HTRA3: variants seen among roughly 807,000 people sequenced by gnomAD.
HTRA3 encodes the protein serine protease HTRA3.
HTRA3 carries 41 observed loss-of-function variants against 43.2 expected under a neutral mutation model. The observed-to-expected ratio is 0.95, with a 90% confidence interval of 0.74 to 1.23. The LOEUF (loss-of-function observed/expected upper bound fraction) is 1.23. Among genes scored for constraint, HTRA3 ranks in the 50% most tolerant of loss-of-function variants. The pLI, the probability that HTRA3 is intolerant of heterozygous loss-of-function variation, is 0.00. For missense variants in HTRA3, 628 were observed against 647.1 expected (o/e 0.97, Z 0.32); for synonymous variants, 295 against 287.9 (o/e 1.02, Z -0.25).
In HTRA3 at chr4:8,286,675, G is replaced by A. The variant is rs766486485; in HGVS notation, c.600G>A (p.Pro200=). 1.6e-5 allele frequency: 26 copies of A among 1,613,684 alleles called. No homozygotes were observed. The highest frequency in any genetic ancestry group is 1.1e-4 in the East Asian group (5 of 44,892). ...TGGTGTCCAGCAACAGTGCTGCCCCGGGCAGGCAGCAGCTCAAGGTGCAGC... is the reference window on the plus strand; with the variant it reads ...TGGTGTCCAGCAACAGTGCTGCCCCAGGCAGGCAGCAGCTCAAGGTGCAGC... ...AHVVSSNSAA[P]GRQQLKVQLQ... Residue 200 remains proline, a synonymous_variant, in exon 3 of 9, where the codon CCG becomes CCA. Transcript: ENST00000307358. This position sits in a 1 kb window ranked among gnomAD's most constrained non-coding sequence, Gnocchi z 4.9.
chr4:8,283,226 G>A (rs1310501877), intron 2 of HTRA3, among the ~76,000 whole-genome samples: 3 of 152,202 alleles, frequency 2.0e-5, no homozygotes, highest in Non-Finnish European at 2.9e-5. Flanking sequence ...ATGAATGAAT[G>A]AGTGGAGTCG....
chr4:8,306,817 T>G lies in HTRA3; in HGVS notation c.*681T>G, dbSNP rs1180419733. 2 of 152,678 alleles carry G rather than the reference T, an allele frequency of 1.3e-5. No individual in the cohort carries two copies. Among genetic ancestry groups the G allele is most frequent in the Non-Finnish European group, 1.5e-5 (1 of 68,116 alleles). 9.5% of individuals were successfully genotyped at this position (152,678 alleles called of 1,614,324 possible). A position where few individuals can be genotyped will look rare whatever the true frequency, so the allele number is the denominator to read the frequency against. ...GTTGGCTGCTGCCTGGGGAAGCTTC[T>G]CCTCCCCAAGGCGGCCATGGGGCAG... On this transcript the variant is annotated 3_prime_UTR_variant, in exon 9 of 9. Coordinates refer to ENST00000307358, the MANE Select transcript of HTRA3 (RefSeq NM_053044.5). This position sits in a 1 kb window ranked among gnomAD's most constrained non-coding sequence, Gnocchi z 8.9.
intron 1 of HTRA3, among the ~76,000 whole-genome samples, chr4:8,278,392 A>G (rs1189263005): frequency 1.4e-4 from 10 of 71,040 alleles, no homozygotes; most frequent in African/African-American, 2.8e-4. Flanking sequence ...TTATTGAGGA[A>G]AAAAAAAAAA....
intron 7 of HTRA3, 117 bp from the exon 8 acceptor site, chr4:8,304,067 G>A: frequency 1.4e-6 from 1 of 717,318 alleles, no homozygotes; most frequent in Non-Finnish European, 2.4e-6. Context: ...AGGGCAGTAT[G>A]GGGGCCCAGA....
intron 2 of HTRA3, among the ~76,000 whole-genome samples, chr4:8,285,593 C>T (rs1246435548): frequency 3.9e-5 from 6 of 152,354 alleles, no homozygotes; most frequent in African/African-American, 1.4e-4. Flanking sequence ...GGGCCCCACG[C>T]TGGGGTCCCG....
At chr4:8,273,406 G>T (rs967046116) in intron 1 of HTRA3, among the ~76,000 whole-genome samples, 1 of 152,106 alleles carries the variant, frequency 6.6e-6, no homozygotes, top group Admixed American at 6.5e-5. Flanking sequence ...GCCTGATGAG[G>T]GCAGCCTCCT....
At position 8,270,049 on chromosome 4, in the gene HTRA3, G is replaced by T. The variant is rs543551297; in HGVS notation, c.81G>T (p.Ala27=). ...AREPPAAPCP[A]RCDVSRCPSP... ...AGCCCCCTGCGGCGCCGTGTCCCGC[G>T]CGCTGCGACGTGTCGCGGTGTCCCA... Residue 27 remains alanine (A), a synonymous_variant, in exon 1 of 9, where the codon GCG becomes GCT. Coordinates refer to ENST00000307358, the MANE Select transcript of HTRA3 (RefSeq NM_053044.5). The T allele has an allele frequency of 2.8e-6, 4 of 1,450,960 alleles. No individual in the cohort carries two copies. The highest frequency in any genetic ancestry group is 3.0e-5 in the East Asian group (1 of 33,530). The allele number at this position is 1,450,960 out of a possible 1,614,324, so 89.9% of individuals were successfully genotyped here.
Position 8,286,265 on chromosome 4 carries a change from G to A in HTRA3, c.486-296G>A, listed in dbSNP as rs1712963700. Among the ~76,000 whole-genome samples the A allele has an allele frequency of 6.6e-6, 1 of 152,180 alleles. No homozygotes were observed. The highest frequency in any genetic ancestry group is 2.1e-4 in the South Asian group (1 of 4,832). On this transcript the variant is annotated intron_variant, in intron 2 of 8. Transcript: ENST00000307358. This position sits in a 1 kb window ranked among gnomAD's most constrained non-coding sequence, Gnocchi z 4.9. ...GTCTGGCTCCGTGCTCCGTAGTCAGGATGGCGAGTGCAAGCTGGGAGTCAT... is the reference window on the plus strand; with the variant it reads ...GTCTGGCTCCGTGCTCCGTAGTCAGAATGGCGAGTGCAAGCTGGGAGTCAT...
chr4:8,292,848 A>G (rs1001029681), intron 5 of HTRA3, among the ~76,000 whole-genome samples: 4 of 152,158 alleles, frequency 2.6e-5, no homozygotes, highest in Non-Finnish European at 5.9e-5. Context: ...GCTCCTATCC[A>G]TGGCTGGGGA....
intron 7 of HTRA3, 58 bp downstream of exon 7, chr4:8,302,569 C>T (rs1713694242): frequency 3.2e-6 from 5 of 1,548,806 alleles, no homozygotes; most frequent in South Asian, 2.2e-5. Flanking sequence ...CTCACCCTGA[C>T]CCTCCCTCCA....
At chr4:8,293,713 G>A (rs1348278773) in intron 5 of HTRA3, among the ~76,000 whole-genome samples, 2 of 152,112 alleles carry the variant, frequency 1.3e-5, no homozygotes, top group African/African-American at 4.8e-5. Flanking sequence ...GGGATAGACA[G>A]GGTCTCTGTC....
chr4:8,284,501 C>T lies in HTRA3; in HGVS notation c.485+1965C>T, dbSNP rs142567799. Among the ~76,000 whole-genome samples the T allele has an allele frequency of 1.6e-4, 25 of 152,326 alleles. No individual in the cohort carries two copies. The East Asian group carries it at 2.9e-3, about 18-fold the overall frequency. ...AGATGCTTTTCCAGCACAGGCCTCCCGGCTGTGACCCCTGACCTGAGGTCT... is the reference window on the plus strand; with the variant it reads ...AGATGCTTTTCCAGCACAGGCCTCCTGGCTGTGACCCCTGACCTGAGGTCT... On this transcript the variant is annotated intron_variant, in intron 2 of 8. Transcript: ENST00000307358.
At chr4:8,298,300 T>C (rs912457995) in intron 6 of HTRA3, among the ~76,000 whole-genome samples, 3 of 152,254 alleles carry the variant, frequency 2.0e-5, no homozygotes, top group Non-Finnish European at 4.4e-5. Context: ...ATTCATCAGC[T>C]GTTCATCTTT....
intron 3 of HTRA3, among the ~76,000 whole-genome samples, chr4:8,287,981 T>C (rs1713063892): frequency 6.6e-6 from 1 of 152,210 alleles, no homozygotes; most frequent in African/African-American, 2.4e-5. Flanking sequence ...CACACCAGCG[T>C]TGGACCCGGA....
chr4:8,304,363 C>T, intron 8 of HTRA3, 84 bp downstream of exon 8: 3 of 1,074,884 alleles, frequency 2.8e-6, no homozygotes, highest in East Asian at 2.4e-5. Context: ...CTCATGTGAC[C>T]TTGAGCTTCC....
At chr4:8,285,522 G>T (rs116985160) in intron 2 of HTRA3, among the ~76,000 whole-genome samples, 2 of 152,258 alleles carry the variant, frequency 1.3e-5, no homozygotes, top group East Asian at 1.9e-4. Context: ...TTTGTCCCTC[G>T]CACATTTTCC....
chr4:8,298,571 C>T (rs1360842174), intron 6 of HTRA3, among the ~76,000 whole-genome samples: 1 of 151,634 alleles, frequency 6.6e-6, no homozygotes, highest in Admixed American at 6.6e-5. Context: ...GACGTCTTTG[C>T]TAACCCAAGA....
Position 8,286,576 on chromosome 4 carries a change from C to T in HTRA3, c.501C>T (p.Gly167=), listed in dbSNP as rs1389221748. ...CTGGCTGCAGACACCCGCTGTTTGG[C>T]CGCAACGTGCCCCTGTCCAGCGGTT... ...IELFLRHPLF[G]RNVPLSSGSG... is the part of the protein sequence containing the mutation. The change falls in exon 3 of 9, where the codon GGC becomes GGT. Residue 167 remains glycine (G), a synonymous_variant. Coordinates refer to ENST00000307358, the MANE Select transcript of HTRA3 (RefSeq NM_053044.5). This position sits in a 1 kb window ranked among gnomAD's most constrained non-coding sequence, Gnocchi z 4.9. 1.9e-6 allele frequency: 3 copies of T among 1,613,822 alleles called. No homozygotes were observed. In the East Asian group the frequency reaches 6.7e-5, roughly 36 times the overall value.
Position 8,295,778 on chromosome 4 carries a change from C to A in HTRA3, c.1051+1577C>A. 2 of 1,280,368 alleles carry A rather than the reference C, an allele frequency of 1.6e-6. No homozygotes were observed. The allele number at this position is 1,280,368 out of a possible 1,614,324, so 79.3% of individuals were successfully genotyped here. ...TGACCCCGTCAGCCAAGCACATGGA[C>A]CCCAGTGCAGCCAAGGCTGGTGCCA... On this transcript the variant is annotated intron_variant, in intron 6 of 8. Transcript: ENST00000307358. The surrounding 1 kb of genome is among the most constrained non-coding windows in gnomAD (Gnocchi z 6.9).
Sources: gnomAD v4.1 joint callset for allele counts (sites outside exome capture counted in the v4.1 genomes callset) on GRCh38, gnomAD v4.1.1 for gene constraint, Gnocchi (gnomAD v3.1) non-coding constraint, MANE v1.5 for transcripts, NCBI Gene and HGNC (gene_info 2026-07-23, HGNC 2026-07-21) for gene names.